Variants in COL12A1 observed in about 807,000 individuals in gnomAD.
COL12A1 encodes collagen alpha-1(XII) chain.
A neutral mutation model predicts 349.7 loss-of-function variants in COL12A1; 114 were observed. That is an observed-to-expected ratio of 0.33 (90% CI 0.28 to 0.38). COL12A1 has a LOEUF of 0.38. COL12A1 is among the 10% of genes least tolerant of loss of function. The pLI is 1.00. For synonymous variants in COL12A1, 1,369 were observed against 1,329.0 expected, an observed-to-expected ratio of 1.03 and a Z score of -0.66; for missense variants, 3,284 against 3,756.9, an observed-to-expected ratio of 0.87 and a Z score of 3.29.
intron 13 of COL12A1, among the ~76,000 whole-genome samples, chr6:75,172,927 G>A (rs1343392001): frequency 3.3e-5 from 5 of 152,184 alleles, no homozygotes; most frequent in South Asian, 2.1e-4. Context: ...CCCTAGGGCC[G>A]ACTGCCGGAC....
intron 60 of COL12A1, among the ~76,000 whole-genome samples, chr6:75,093,997 T>C (rs556180216): frequency 2.0e-5 from 3 of 152,290 alleles, no homozygotes; most frequent in African/African-American, 7.2e-5. Flanking sequence ...CATGATCCAT[T>C]GAGGAAAAGA....
intron 32 of COL12A1, 102 bp downstream of exon 32, chr6:75,134,624 T>A: frequency 9.5e-7 from 1 of 1,053,452 alleles, no homozygotes; most frequent in Non-Finnish European, 1.3e-6. Context: ...AATTTTTAAA[T>A]ATTAGTAAAA....
Position 75,183,997 on chromosome 6 carries a change from A to G in COL12A1, c.1145T>C (p.Val382Ala). ...TAGSRQHALS[V>A]GPQTTTLSVR... ...ACTGAGCGTGGTTGTCTGAGGCCCCACACTCAGAGCGTGCTGTCGGCTTCC... is the reference window on the plus strand; with the variant it reads ...ACTGAGCGTGGTTGTCTGAGGCCCCGCACTCAGAGCGTGCTGTCGGCTTCC... Residue 382 changes from valine to alanine, a missense_variant, in exon 9 of 66, where the codon GTG (valine) becomes GCG (alanine). Physicochemically the swap from Val to Ala is moderately conservative, Grantham distance 64. This residue lies in a region of COL12A1 where 2,601 missense variants were observed against 2,824.8 expected (regional missense o/e 0.92). Transcript: ENST00000322507. 1 of 1,614,148 alleles carries G rather than the reference A, an allele frequency of 6.2e-7. No individual in the cohort carries two copies. The highest frequency in any genetic ancestry group is 8.5e-7 in the Non-Finnish European group (1 of 1,180,018).
At chr6:75,132,878 A>T (rs1451019488) in intron 34 of COL12A1, among the ~76,000 whole-genome samples, 2 of 152,224 alleles carry the variant, frequency 1.3e-5, no homozygotes, top group Non-Finnish European at 2.9e-5. Context: ...TTTAAGATCA[A>T]AAAAGCACTT....
chr6:75,146,043 C>T (rs903809068), intron 24 of COL12A1, 59 bp downstream of exon 24: 3 of 1,470,316 alleles, frequency 2.0e-6, no homozygotes, highest in East Asian at 4.7e-5. Context: ...GTATAATAGG[C>T]ACTATAAAGC....
At chr6:75,116,836 C>A (rs1439625199) in intron 47 of COL12A1, among the ~76,000 whole-genome samples, 1 of 152,030 alleles carries the variant, frequency 6.6e-6, no homozygotes, top group Non-Finnish European at 1.5e-5. Context: ...ATAACCTATA[C>A]CCCAAGAATT....
intron 38 of COL12A1, 31 bp downstream of exon 38, chr6:75,128,264 CA>C: frequency 6.6e-7 from 1 of 1,520,142 alleles, no homozygotes; most frequent in Non-Finnish European, 8.8e-7. Context: ...AATTTCAAAG[CA>C]AAAATAAAAG....
At chr6:75,149,798 G>A (rs1489503057) in intron 21 of COL12A1, among the ~76,000 whole-genome samples, 1 of 151,910 alleles carries the variant, frequency 6.6e-6, no homozygotes, top group South Asian at 2.1e-4. Context: ...TTACTGTCTG[G>A]GAAACTAGAA....
At chr6:75,176,681 T>C (rs1034294415) in intron 12 of COL12A1, among the ~76,000 whole-genome samples, 2 of 152,182 alleles carry the variant, frequency 1.3e-5, no homozygotes, top group Non-Finnish European at 2.9e-5. Context: ...CAGCCTCAAT[T>C]CTCTTATCAA....
Position 75,090,332 on chromosome 6 carries a change from C to A in COL12A1, c.8753-34G>T. 1 of 1,574,116 alleles carries A rather than the reference C, an allele frequency of 6.4e-7. No homozygotes were observed. The highest frequency in any genetic ancestry group is 8.7e-7 in the Non-Finnish European group (1 of 1,153,256). ...AGAAATAAGGCTTGTTAGTAAGAAA[C>A]CCAATAAAGGACGGATGAGAGAGTG... On this transcript the variant is annotated intron_variant, in intron 62 of 65. Coordinates refer to ENST00000322507, the MANE Select transcript of COL12A1 (RefSeq NM_004370.6). This position sits in a 1 kb window ranked among gnomAD's most constrained non-coding sequence, Gnocchi z 4.1.
At chr6:75,205,204 C>G (rs1343358987) in intron 1 of COL12A1, among the ~76,000 whole-genome samples, 1 of 149,802 alleles carries the variant, frequency 6.7e-6, no homozygotes, top group Admixed American at 6.7e-5. Flanking sequence ...TACCCTAGTG[C>G]TGCCTAACCC....
At chr6:75,170,834 G>A (rs1768591871) in intron 13 of COL12A1, among the ~76,000 whole-genome samples, 1 of 152,174 alleles carries the variant, frequency 6.6e-6, no homozygotes, top group African/African-American at 2.4e-5. Flanking sequence ...TTCCTGAGAT[G>A]TGCTAAAAAC....
chr6:75,161,188 G>A (rs570899134), intron 14 of COL12A1, among the ~76,000 whole-genome samples: 1 of 152,218 alleles, frequency 6.6e-6, no homozygotes, highest in Admixed American at 6.5e-5. Flanking sequence ...GAAACCCACA[G>A]ACATGGAGAG....
At chr6:75,105,167 T>G in intron 54 of COL12A1, 39 bp downstream of exon 54, 2 of 1,543,730 alleles carry the variant, frequency 1.3e-6, no homozygotes, top group Non-Finnish European at 1.8e-6. Context: ...TCTAAAGATT[T>G]CAAAGGAAAA....
At chr6:75,167,303 C>T (rs1314963180) in intron 13 of COL12A1, among the ~76,000 whole-genome samples, 1 of 152,060 alleles carries the variant, frequency 6.6e-6, no homozygotes, top group Non-Finnish European at 1.5e-5. Flanking sequence ...ATGTACAGCA[C>T]GTTTTTCCTT....
chr6:75,151,381 G>T, intron 20 of COL12A1, 94 bp from the exon 21 acceptor site: 1 of 1,165,572 alleles, frequency 8.6e-7, no homozygotes, highest in Non-Finnish European at 1.2e-6. Flanking sequence ...ATTCATGGCT[G>T]CTTTTGGCCA....
chr6:75,193,671 G>A (rs1216411091), intron 3 of COL12A1, among the ~76,000 whole-genome samples: 1 of 152,110 alleles, frequency 6.6e-6, no homozygotes, highest in Non-Finnish European at 1.5e-5. Flanking sequence ...ATGTTGGTGT[G>A]CTGCACCCAT....
chr6:75,123,464 A>C, intron 42 of COL12A1, 60 bp from the exon 43 acceptor site: 1 of 1,354,280 alleles, frequency 7.4e-7, no homozygotes, highest in Non-Finnish European at 1.0e-6. Flanking sequence ...TATCCCAGAA[A>C]GTAAATTTTA....
intron 13 of COL12A1, among the ~76,000 whole-genome samples, chr6:75,169,251 T>C (rs1490391100): frequency 1.3e-5 from 2 of 152,216 alleles, no homozygotes; most frequent in East Asian, 3.8e-4. Flanking sequence ...GAAGAAATTA[T>C]CCGACTTGCT....
Sources: gnomAD v4.1 joint callset for allele counts (sites outside exome capture counted in the v4.1 genomes callset) on GRCh38, gnomAD v4.1.1 for gene constraint, gnomAD v4.1.1 regional missense constraint, Gnocchi (gnomAD v3.1) non-coding constraint, MANE v1.5 for transcripts, NCBI Gene and HGNC (gene_info 2026-07-23, HGNC 2026-07-21) for gene names.